The following SHROOM3 variants were observed in gnomAD, a reference collection of about 807,000 sequenced individuals.
The protein encoded by SHROOM3 is shroom family member 3.
SHROOM3 carries 47 observed loss-of-function variants against 138.6 expected under a neutral mutation model. The observed-to-expected ratio is 0.34, with a 90% CI of 0.27 to 0.43. The LOEUF (loss-of-function observed/expected upper bound fraction) is 0.43, where lower values mean the gene tolerates loss of function less well. Ranked by LOEUF, SHROOM3 falls within the 20% of genes least tolerant of loss-of-function variation. The pLI is 1.00. For missense variants in SHROOM3, 2,491 were observed against 2,596.5 expected (o/e 0.96, Z 0.88); for synonymous variants, 1,062 against 1,063.3 (o/e 1.00, Z 0.02).
rs1303852174 is a variant in SHROOM3 at position 76,608,626 on chromosome 4, T to TATAGCATAGCATAGC, written c.323+52890_323+52904dup. Among the ~76,000 whole-genome samples, 16 of 100,890 alleles carry TATAGCATAGCATAGC rather than the reference T, an allele frequency of 1.6e-4. 1 individual carries two copies. Among genetic ancestry groups the TATAGCATAGCATAGC allele is most frequent in the African/African-American group, 7.5e-4 (16 of 21,426 alleles). 66.2% of individuals were successfully genotyped at this position (100,890 alleles called of 152,430 possible). A position where few individuals can be genotyped will look rare whatever the true frequency, so the allele number is the denominator to read the frequency against. On this transcript the variant is annotated intron_variant, in intron 2 of 10. Transcript: ENST00000296043. ...ATAGCATAGCATTGGACAGAGATGG[T>TATAGCATAGCATAGC]ATAGCATAGCATAGCATAGCATAGC...
intron 2 of SHROOM3, among the ~76,000 whole-genome samples, chr4:76,591,160 C>T (rs1199622669): frequency 6.6e-6 from 1 of 152,178 alleles, no homozygotes. Flanking sequence ...GGCAGGCATG[C>T]CAGACAGAGA....
intron 1 of SHROOM3, among the ~76,000 whole-genome samples, chr4:76,519,830 T>A (rs1258809646): frequency 6.6e-6 from 1 of 152,208 alleles, no homozygotes; most frequent in Non-Finnish European, 1.5e-5. Flanking sequence ...TCTTTCCTAT[T>A]TATGAGAATT....
At chr4:76,551,981 C>G (rs1733366867) in intron 1 of SHROOM3, among the ~76,000 whole-genome samples, 1 of 149,146 alleles carries the variant, frequency 6.7e-6, no homozygotes, top group African/African-American at 2.5e-5. Context: ...CCTGCCTCAG[C>G]CTCCCGAGTA....
intron 1 of SHROOM3, among the ~76,000 whole-genome samples, chr4:76,440,543 G>C (rs946435111): frequency 6.6e-6 from 1 of 152,114 alleles, no homozygotes; most frequent in Admixed American, 6.6e-5. Flanking sequence ...CCATAAAATA[G>C]GTCTGACTAC....
chr4:76,544,746 T>C (rs1733176238), intron 1 of SHROOM3, among the ~76,000 whole-genome samples: 2 of 152,210 alleles, frequency 1.3e-5, no homozygotes, highest in Admixed American at 1.3e-4. Context: ...TAGTTAACTA[T>C]GCAATGGATT....
At chr4:76,534,098 C>T (rs1005616975) in intron 1 of SHROOM3, among the ~76,000 whole-genome samples, 1 of 152,172 alleles carries the variant, frequency 6.6e-6, no homozygotes, top group East Asian at 1.9e-4. Flanking sequence ...AGACCTGGCC[C>T]AGTGCCTGGT....
In SHROOM3 at chr4:76,740,605, C is replaced by G; in HGVS notation, c.2432C>G (p.Pro811Arg). The G allele has an allele frequency of 6.2e-7, 1 of 1,614,158 alleles. No homozygotes were observed. The highest frequency in any genetic ancestry group is 8.5e-7 in the Non-Finnish European group (1 of 1,180,020). The change falls in exon 5 of 11, where the codon CCC becomes CGC. Residue 811 changes from proline to arginine, a missense_variant. Physicochemically the swap from Pro to Arg is moderately radical, Grantham distance 103. Transcript: ENST00000296043. The surrounding 1 kb of genome is among the most constrained non-coding windows in gnomAD (Gnocchi z 4.0). ...GGSGFGHNYRPHRTVSTSSTS... is the reference protein window; with the variant it reads ...GGSGFGHNYRRHRTVSTSSTS... ...TCTGGTTTTGGCCATAACTATAGGC[C>G]CCACAGGACCGTCTCAACTTCCAGT...
chr4:76,605,990 C>T (rs58153461), intron 2 of SHROOM3, among the ~76,000 whole-genome samples: 34,355 of 84,268 alleles, frequency 0.41, 7,387 homozygotes, highest in East Asian at 0.64. Flanking sequence ...CACACACACA[C>T]ATATATATAT....
At chr4:76,646,216 TAATA>T (rs1452185122) in intron 2 of SHROOM3, among the ~76,000 whole-genome samples, 16 of 105,180 alleles carry the variant, frequency 1.5e-4, no homozygotes, top group Admixed American at 1.3e-3. Flanking sequence ...ACTTAAAGTA[TAATA>T]AATAAATATA....
Position 76,740,687 on chromosome 4 carries a change from T to A in SHROOM3, c.2514T>A (p.Ala838=). 1 of 1,614,038 alleles carries A rather than the reference T, an allele frequency of 6.2e-7. No homozygotes were observed. Among genetic ancestry groups the A allele is most frequent in the Non-Finnish European group, 8.5e-7 (1 of 1,180,024 alleles). The change falls in exon 5 of 11, where the codon GCT becomes GCA. Residue 838 remains alanine (A), a synonymous_variant. Coordinates refer to ENST00000296043, the MANE Select transcript of SHROOM3 (RefSeq NM_020859.4). The surrounding 1 kb of genome is among the most constrained non-coding windows in gnomAD (Gnocchi z 4.0). ...TKAHIRFSES[A]EPLGNGEQHF... is the part of the protein sequence containing the mutation. ...CACACATTCGTTTCTCTGAGTCAGC[T>A]GAACCCCTAGGCAACGGGGAGCAGC...
intron 2 of SHROOM3, among the ~76,000 whole-genome samples, chr4:76,687,981 C>T (rs1719389425): frequency 6.6e-6 from 1 of 152,118 alleles, no homozygotes; most frequent in African/African-American, 2.4e-5. Context: ...CTTCTTACTC[C>T]CCCCCACGCG....
At chr4:76,722,142 A>G (rs2110123904) in intron 3 of SHROOM3, among the ~76,000 whole-genome samples, 1 of 152,178 alleles carries the variant, frequency 6.6e-6, no homozygotes, top group South Asian at 2.1e-4. Context: ...TCAAAAAACG[A>G]TTTCATAATT....
intron 2 of SHROOM3, chr4:76,639,589 G>T: frequency 2.5e-6 from 1 of 398,594 alleles, no homozygotes; most frequent in Non-Finnish European, 4.4e-6. Context: ...GCGGCTGCCT[G>T]GCTCTGATGC....
intron 10 of SHROOM3, among the ~76,000 whole-genome samples, chr4:76,776,194 T>C (rs954487061): frequency 3.3e-5 from 5 of 152,186 alleles, no homozygotes; most frequent in African/African-American, 1.2e-4. Context: ...CATTGTGGTT[T>C]TGATTTGCAT....
chr4:76,760,538 G>A (rs1721956512), intron 9 of SHROOM3, among the ~76,000 whole-genome samples: 1 of 152,150 alleles, frequency 6.6e-6, no homozygotes, highest in Non-Finnish European at 1.5e-5. Context: ...AAACTTTCTA[G>A]GGTGATTTTA....
intron 3 of SHROOM3, among the ~76,000 whole-genome samples, chr4:76,711,527 T>C (rs1458818566): frequency 1.3e-5 from 2 of 152,100 alleles, no homozygotes; most frequent in Non-Finnish European, 2.9e-5. Flanking sequence ...ACCCTGTCTC[T>C]ACAAAAAATA....
At chr4:76,592,323 C>T (rs1333640956) in intron 2 of SHROOM3, among the ~76,000 whole-genome samples, 1 of 152,198 alleles carries the variant, frequency 6.6e-6, no homozygotes, top group Admixed American at 6.5e-5. Flanking sequence ...ACTTGCTTCA[C>T]AGAGCAGTTG....
chr4:76,666,243 G>A (rs1400644721), intron 2 of SHROOM3, among the ~76,000 whole-genome samples: 1 of 152,188 alleles, frequency 6.6e-6, no homozygotes, highest in African/African-American at 2.4e-5. Flanking sequence ...CTCACTCATT[G>A]CAGCTGGAGC....
intron 1 of SHROOM3, among the ~76,000 whole-genome samples, chr4:76,541,600 A>G (rs1733099150): frequency 6.7e-6 from 1 of 148,924 alleles, no homozygotes; most frequent in African/African-American, 2.5e-5. Flanking sequence ...ACTTTCTGAG[A>G]AGGCCGGGAT....
Sources: gnomAD v4.1 joint callset for allele counts (sites outside exome capture counted in the v4.1 genomes callset) on GRCh38, gnomAD v4.1.1 for gene constraint, Gnocchi (gnomAD v3.1) non-coding constraint, MANE v1.5 for transcripts, NCBI Gene and HGNC (gene_info 2026-07-23, HGNC 2026-07-21) for gene names.